The following UGGT2 variants were observed in gnomAD, a reference collection of about 807,000 sequenced individuals.
The protein encoded by UGGT2 is UDP-glucose glycoprotein glucosyltransferase 2, also known as UDP-glucose:glycoprotein glucosyltransferase 2.
A neutral mutation model predicts 192.1 loss-of-function variants in UGGT2; 180 were observed. The ratio of observed to expected loss-of-function variants is 0.94; its 90% CI spans 0.83 to 1.06. UGGT2 has a LOEUF of 1.06. Ranked by LOEUF, UGGT2 falls within the 50% of genes least tolerant of loss-of-function variation. The pLI is 0.00. For missense variants in UGGT2, 1,849 were observed against 1,795.7 expected (o/e 1.03, Z -0.54); for synonymous variants, 580 against 591.0 (o/e 0.98, Z 0.27).
intron 15 of UGGT2, among the ~76,000 whole-genome samples, chr13:95,941,552 T>C (rs540551909): frequency 1.6e-4 from 24 of 152,256 alleles, no homozygotes; most frequent in African/African-American, 5.5e-4. Flanking sequence ...AATGAGACTC[T>C]GAATAAAGCA....
In UGGT2 at chr13:96,024,971, T is replaced by C. The variant is rs72636600; in HGVS notation, c.242-1212A>G. Among the ~76,000 whole-genome samples the C allele has an allele frequency of 1.6e-3, 243 of 152,294 alleles. 2 individuals carry two copies. The highest frequency in any genetic ancestry group is 4.3e-3 in the Admixed American group (66 of 15,302). On this transcript the variant is annotated intron_variant, in intron 2 of 38. Transcript: ENST00000376747. ...TGCTGGGCCCTTGACCCTCAGTTCC[T>C]CTCTTTACCACAACCCATTCAGGGT... is the stretch of plus-strand genomic sequence containing the variant.
intron 20 of UGGT2, among the ~76,000 whole-genome samples, chr13:95,920,385 A>G (rs1267139863): frequency 6.6e-6 from 1 of 152,208 alleles, no homozygotes; most frequent in Non-Finnish European, 1.5e-5. Context: ...TCTGCACAGC[A>G]AAAGAAACTA....
intron 11 of UGGT2, among the ~76,000 whole-genome samples, chr13:95,971,277 T>C (rs1466575772): frequency 6.6e-6 from 1 of 152,240 alleles, no homozygotes; most frequent in Non-Finnish European, 1.5e-5. Context: ...CTCTGTAATA[T>C]GACATTTTAC....
At chr13:95,924,124 T>C (rs566428682) in intron 20 of UGGT2, among the ~76,000 whole-genome samples, 12 of 152,278 alleles carry the variant, frequency 7.9e-5, no homozygotes, top group East Asian at 5.8e-4. Context: ...TAGTTTGTGG[T>C]TCTAATGATA....
intron 7 of UGGT2, 94 bp downstream of exon 7, chr13:95,995,969 G>A: frequency 3.8e-6 from 4 of 1,048,086 alleles, no homozygotes; most frequent in Non-Finnish European, 5.8e-6. Context: ...CTACATAAAA[G>A]AAAGGTGAAG....
intron 17 of UGGT2, among the ~76,000 whole-genome samples, chr13:95,931,472 G>A (rs1360600922): frequency 6.6e-6 from 1 of 152,126 alleles, no homozygotes; most frequent in South Asian, 2.1e-4. Flanking sequence ...ATGGGACTGG[G>A]CGCCGCGGAG....
Position 95,927,320 on chromosome 13 carries a change from C to T in UGGT2, c.1994G>A (p.Arg665His), listed in dbSNP as rs193238563. The T allele has an allele frequency of 2.3e-4, 370 of 1,605,188 alleles. No individual in the cohort carries two copies. Among genetic ancestry groups the T allele is most frequent in the Middle Eastern group, 1.9e-3 (10 of 5,200 alleles). Residue 665 changes from arginine (R) to histidine (H), a missense_variant, in exon 18 of 39, where the codon CGC (arginine) becomes CAC (histidine). By Grantham distance (29) the Arg-to-His change is conservative. Coordinates refer to ENST00000376747, the MANE Select transcript of UGGT2 (RefSeq NM_020121.4). ...CATTAGAAAATCAATTGCATTCGTG[C>T]GATCATTTAATGTGCCCTAAAAAAA... ...REVFLGTLND[R>H]TNAIDFLMDR...
chr13:95,804,620 A>G (rs1172637433), intron 38 of UGGT2, among the ~76,000 whole-genome samples: 2 of 152,206 alleles, frequency 1.3e-5, no homozygotes, highest in Non-Finnish European at 2.9e-5. Flanking sequence ...TGGAATAGAG[A>G]GCCCAGAAAT....
At chr13:95,878,483 GTC>G (rs1396218121) in intron 27 of UGGT2, among the ~76,000 whole-genome samples, 4 of 152,094 alleles carry the variant, frequency 2.6e-5, no homozygotes, top group Non-Finnish European at 5.9e-5. Context: ...CTAAGAACAT[GTC>G]TCTGTCTCTA....
intron 26 of UGGT2, chr13:95,887,363 AAAG>A: frequency 4.1e-6 from 2 of 492,132 alleles, no homozygotes; most frequent in South Asian, 1.5e-5. Flanking sequence ...TCTGATCCAC[AAAG>A]AAGAGAAAGG....
intron 7 of UGGT2, among the ~76,000 whole-genome samples, chr13:95,992,876 A>C (rs1387192068): frequency 6.6e-6 from 1 of 152,220 alleles, no homozygotes; most frequent in Non-Finnish European, 1.5e-5. Flanking sequence ...GATTTCTCAA[A>C]GAACTTCAAA....
rs1885551390 is a variant in UGGT2 at position 95,821,862 on chromosome 13, A to G, written c.4528+11065T>C. On this transcript the variant is annotated intron_variant, in intron 38 of 38. Transcript: ENST00000376747. ...GTTTTTTAATGCTTTGTCAAACAAC[A>G]GTTGGCTGTAAGTATTTGGCTTCAT... is the stretch of plus-strand genomic sequence containing the variant. Among the ~76,000 whole-genome samples, 3 of 152,154 alleles carry G rather than the reference A, an allele frequency of 2.0e-5. No individual in the cohort carries two copies. The South Asian group carries it at 6.2e-4, about 32-fold the overall frequency.
intron 12 of UGGT2, among the ~76,000 whole-genome samples, chr13:95,966,011 C>T (rs2050568374): frequency 6.6e-6 from 1 of 152,128 alleles, no homozygotes; most frequent in African/African-American, 2.4e-5. Flanking sequence ...AAAAACTGAA[C>T]TACCATCCAA....
At chr13:95,941,497 A>C (rs2049678490) in intron 15 of UGGT2, among the ~76,000 whole-genome samples, 1 of 152,220 alleles carries the variant, frequency 6.6e-6, no homozygotes, top group East Asian at 1.9e-4. Context: ...ACTCAAAAAA[A>C]GTGAAAAGTT....
chr13:95,803,239 G>A (rs1028364152), intron 38 of UGGT2, among the ~76,000 whole-genome samples: 1 of 152,074 alleles, frequency 6.6e-6, no homozygotes, highest in Non-Finnish European at 1.5e-5. Context: ...GTGGGAGAGA[G>A]GGGGAAAGAG....
intron 7 of UGGT2, 186 bp from the exon 8 acceptor site, chr13:95,990,259 G>T: frequency 2.9e-6 from 1 of 349,266 alleles, no homozygotes; most frequent in Non-Finnish European, 5.2e-6. Flanking sequence ...AGATATACAG[G>T]TCTCTTTTAT....
At chr13:96,022,194 G>A (rs2052534871) in intron 4 of UGGT2, among the ~76,000 whole-genome samples, 1 of 151,718 alleles carries the variant, frequency 6.6e-6, no homozygotes, top group Non-Finnish European at 1.5e-5. Flanking sequence ...AGGTACCTGA[G>A]GAAAAAAATC....
chr13:96,053,150 C>G lies in UGGT2; in HGVS notation c.158+5G>C. Reference sequence around the variant, plus strand: ...CGCCCGGACGAGGGCCCGGCCCGCACCCACCTTGCCTCCAGCAGCAGCGGG... The same window carrying G: ...CGCCCGGACGAGGGCCCGGCCCGCAGCCACCTTGCCTCCAGCAGCAGCGGG... On this transcript the variant is annotated splice_donor_5th_base_variant and intron_variant, in intron 1 of 38. Transcript: ENST00000376747. 7.3e-6 allele frequency: 11 copies of G among 1,503,038 alleles called. No homozygotes were observed. The highest frequency in any genetic ancestry group is 9.7e-6 in the Non-Finnish European group (11 of 1,129,262). 93.1% of individuals were successfully genotyped at this position (1,503,038 alleles called of 1,614,324 possible). A position where few individuals can be genotyped will look rare whatever the true frequency, so the allele number is the denominator to read the frequency against.
intron 20 of UGGT2, among the ~76,000 whole-genome samples, chr13:95,916,097 C>G (rs1262859508): frequency 2.0e-5 from 3 of 152,184 alleles, no homozygotes; most frequent in Admixed American, 6.5e-5. Flanking sequence ...TTCTTCCTAT[C>G]TGCATAAGAT....
Sources: allele counts gnomAD v4.1 joint callset (sites outside exome capture counted in the v4.1 genomes callset), GRCh38; gene constraint gnomAD v4.1.1; transcripts MANE v1.5; gene names NCBI Gene and HGNC (gene_info 2026-07-23, HGNC 2026-07-21).